Variants in RPH3AL observed in about 807,000 individuals in gnomAD.
The protein encoded by RPH3AL is rabphilin 3A like (without C2 domains), also known as rab effector Noc2.
A neutral mutation model predicts 43.1 loss-of-function variants in RPH3AL; 38 were observed. The ratio of observed to expected loss-of-function variants is 0.88; its 90% CI spans 0.68 to 1.15. RPH3AL has a LOEUF of 1.15. Ranked by LOEUF, RPH3AL falls within the 50% of genes most tolerant of loss-of-function variation. RPH3AL has a pLI of 0.00. For synonymous variants in RPH3AL, 189 were observed against 176.3 expected, an observed-to-expected ratio of 1.07 and a Z score of -0.57; for missense variants, 462 against 423.2, an observed-to-expected ratio of 1.09 and a Z score of -0.81.
chr17:310,536 G>A (rs866480577), intron 5 of RPH3AL, among the ~76,000 whole-genome samples: 2 of 152,132 alleles, frequency 1.3e-5, no homozygotes, highest in Admixed American at 6.5e-5. Flanking sequence ...GCAGCCATCC[G>A]CAGAAGGTGA....
At chr17:336,785 C>A (rs1598159337) in intron 1 of RPH3AL, among the ~76,000 whole-genome samples, 3 of 152,184 alleles carry the variant, frequency 2.0e-5, no homozygotes, top group Admixed American at 1.3e-4. Context: ...AAAACTGGTG[C>A]TCCAGCCACC....
intron 3 of RPH3AL, among the ~76,000 whole-genome samples, chr17:324,811 C>T (rs1434746513): frequency 4.6e-5 from 7 of 152,272 alleles, no homozygotes; most frequent in Admixed American, 3.3e-4. Context: ...CTGCAACATC[C>T]GCCTCCCAGG....
rs186493241 is a variant in RPH3AL, at chr17:259,428, C to T, written c.439-12143G>A. 1.8e-4 allele frequency among the ~76,000 whole-genome samples: 27 copies of T among 152,328 alleles called. No homozygotes were observed. In the East Asian group the frequency reaches 4.6e-3, roughly 26 times the overall value. ...CCGCCCCACTCTGCAAAACACACCA[C>T]GGCAGCCTTAATCACGTAACTTCTG... On this transcript the variant is annotated intron_variant, in intron 6 of 9. Transcript: ENST00000331302.
intron 7 of RPH3AL, among the ~76,000 whole-genome samples, chr17:241,533 G>A (rs1383394411): frequency 2.0e-5 from 3 of 152,110 alleles, no homozygotes; most frequent in African/African-American, 7.2e-5. Flanking sequence ...TTGGCCTGGA[G>A]GGATGCTCCT....
At chr17:331,853 G>A (rs974922899) in intron 2 of RPH3AL, 19 of 1,289,062 alleles carry the variant, frequency 1.5e-5, no homozygotes, top group East Asian at 5.5e-5. Context: ...CACAGACTGC[G>A]CCCTTGTACT....
intron 5 of RPH3AL, among the ~76,000 whole-genome samples, chr17:314,549 T>C (rs1390949049): frequency 0.084 from 10,000 of 119,196 alleles, 679 homozygotes; most frequent in African/African-American, 0.21. Flanking sequence ...CATTGACCTG[T>C]AGTCTCTGTG....
chr17:320,416 G>A (rs541217110), intron 4 of RPH3AL, among the ~76,000 whole-genome samples: 4 of 152,182 alleles, frequency 2.6e-5, no homozygotes, highest in South Asian at 4.1e-4. Flanking sequence ...CAGGCGGATC[G>A]CTTGAGCCCA....
rs118111019 is a variant in RPH3AL at position 213,625 on chromosome 17, G to A, written c.*227C>T. 3.2e-3 allele frequency: 1,903 copies of A among 591,192 alleles called. 74 individuals are homozygous for A. In the East Asian group the frequency reaches 0.051, roughly 16 times the overall value. The allele number at this position is 591,192 out of a possible 1,614,324, so 36.6% of individuals were successfully genotyped here. Reference sequence around the variant, plus strand: ...GGAGGGGAGGGTAATAAATAAGGTCGGGGGCTGAGGGCAGTGGTTGGAGGG... The same window carrying A: ...GGAGGGGAGGGTAATAAATAAGGTCAGGGGCTGAGGGCAGTGGTTGGAGGG... On this transcript the variant is annotated 3_prime_UTR_variant, in exon 10 of 10. Coordinates refer to ENST00000331302, the MANE Select transcript of RPH3AL (RefSeq NM_006987.4).
chr17:259,395 C>T (rs1211467204), intron 6 of RPH3AL, among the ~76,000 whole-genome samples: 1 of 152,242 alleles, frequency 6.6e-6, no homozygotes, highest in African/African-American at 2.4e-5. Flanking sequence ...CTTCTCTCTC[C>T]TGGCTGCCCG....
intron 7 of RPH3AL, among the ~76,000 whole-genome samples, chr17:228,332 C>T (rs1277335129): frequency 2.0e-5 from 3 of 152,172 alleles, no homozygotes; most frequent in South Asian, 2.1e-4. Context: ...CGTGAGTGCC[C>T]GGCCCTGGAG....
intron 5 of RPH3AL, among the ~76,000 whole-genome samples, chr17:303,015 G>A (rs2151640478): frequency 6.6e-6 from 1 of 152,306 alleles, no homozygotes; most frequent in South Asian, 2.1e-4. Context: ...TCATGTCTAT[G>A]AGGCATCCAA....
intron 6 of RPH3AL, among the ~76,000 whole-genome samples, chr17:261,484 C>A (rs2042193486): frequency 6.6e-6 from 1 of 152,202 alleles, no homozygotes; most frequent in Non-Finnish European, 1.5e-5. Context: ...TCCCTGTCCC[C>A]AGAGCTCTGA....
chr17:330,359 C>T (rs1344146223), intron 2 of RPH3AL, among the ~76,000 whole-genome samples: 1 of 152,240 alleles, frequency 6.6e-6, no homozygotes, highest in East Asian at 1.9e-4. Flanking sequence ...CACCCAGGAC[C>T]TCCTCAGATG....
At position 216,271 on chromosome 17, in the gene RPH3AL, G is replaced by C. The variant is rs1038452709; in HGVS notation, c.728-469C>G. On this transcript the variant is annotated intron_variant, in intron 8 of 9. Transcript: ENST00000331302. ...CCACATGGCTGCAGGGCTCTGGCCCGACCCCACCCTCTGGCTGTTGCTGGT... is the reference window on the plus strand; with the variant it reads ...CCACATGGCTGCAGGGCTCTGGCCCCACCCCACCCTCTGGCTGTTGCTGGT... 1.3e-5 allele frequency among the ~76,000 whole-genome samples: 2 copies of C among 152,132 alleles called. 1 individual carries two copies. The highest frequency in any genetic ancestry group is 2.9e-5 in the Non-Finnish European group (2 of 68,028).
chr17:302,262 A>G (rs966456068), intron 5 of RPH3AL, among the ~76,000 whole-genome samples: 1 of 152,134 alleles, frequency 6.6e-6, no homozygotes, highest in Non-Finnish European at 1.5e-5. Context: ...TGTCACTGGA[A>G]GGCCAGAGAG....
chr17:299,381 A>G (rs9747194), intron 5 of RPH3AL, among the ~76,000 whole-genome samples: 141,182 of 151,666 alleles, frequency 0.93, 65,761 homozygotes, highest in East Asian at 1. Context: ...GGCAGGACAA[A>G]GGTAAGAGGA....
intron 2 of RPH3AL, chr17:331,169 A>G (rs2044749215): frequency 6.5e-6 from 1 of 154,038 alleles, no homozygotes; most frequent in African/African-American, 2.4e-5. Flanking sequence ...AGCCCAGTCC[A>G]CAGGACAGAG....
intron 1 of RPH3AL, among the ~76,000 whole-genome samples, chr17:343,352 C>G (rs2151732145): frequency 6.6e-6 from 1 of 152,334 alleles, no homozygotes; most frequent in South Asian, 2.1e-4. Flanking sequence ...CTTTTATTAG[C>G]TCCAAATGAA....
In RPH3AL at chr17:328,447, G is replaced by C. The variant is rs4638650; in HGVS notation, c.-36-868C>G. 0.17 allele frequency among the ~76,000 whole-genome samples: 25,913 copies of C among 151,696 alleles called. 2,899 individuals are homozygous for C. The highest frequency in any genetic ancestry group is 0.33 in the East Asian group (1,718 of 5,134). On this transcript the variant is annotated intron_variant, in intron 2 of 9. Coordinates refer to ENST00000331302, the MANE Select transcript of RPH3AL (RefSeq NM_006987.4). This position sits in a 1 kb window ranked among gnomAD's most constrained non-coding sequence, Gnocchi z 4.2. The stretch of plus-strand genomic sequence containing the variant: ...TAGGCCAGTGGTTCTCAAACCCAGG[G>C]CCCCTTTACACTCTTAAAAAAGATC...
Sources: gnomAD v4.1 joint callset for allele counts (sites outside exome capture counted in the v4.1 genomes callset) on GRCh38, gnomAD v4.1.1 for gene constraint, Gnocchi (gnomAD v3.1) non-coding constraint, MANE v1.5 for transcripts, NCBI Gene and HGNC (gene_info 2026-07-23, HGNC 2026-07-21) for gene names.